The following SLC25A48 variants were observed in gnomAD, a reference collection of about 807,000 sequenced individuals.
SLC25A48 encodes the protein solute carrier family 25 member 48.
In SLC25A48, 29 loss-of-function variants were observed where a neutral mutation model predicts 32.2. That is an observed-to-expected ratio of 0.90 (90% CI 0.67 to 1.23). The LOEUF is 1.23. Ranked by LOEUF, SLC25A48 falls within the 50% of genes most tolerant of loss-of-function variation. SLC25A48 has a pLI of 0.00. For synonymous variants in SLC25A48, 164 were observed against 172.3 expected (o/e 0.95, Z 0.38); for missense variants, 399 against 422.7 (o/e 0.94, Z 0.49).
chr5:135,731,170 G>T (rs964486317), intron 3 of SLC25A48, among the ~76,000 whole-genome samples: 30 of 152,082 alleles, frequency 2.0e-4, no homozygotes, highest in African/African-American at 7.0e-4. Context: ...CAGTCAAAGG[G>T]GGTTGTTCTC....
At chr5:135,831,058 C>A (rs527912686), upstream of SLC25A48, among the ~76,000 whole-genome samples, 4 of 152,204 alleles carry the variant, frequency 2.6e-5, no homozygotes, top group South Asian at 8.3e-4. Flanking sequence ...AGGTAGGAGT[C>A]GGCTATGAGG....
At chr5:135,592,053 T>C (rs976653266) in intron 1 of SLC25A48, among the ~76,000 whole-genome samples, 1 of 152,120 alleles carries the variant, frequency 6.6e-6, no homozygotes, top group Non-Finnish European at 1.5e-5. Context: ...GAGAACCAGC[T>C]CTGCTTGTGT....
At chr5:135,747,550 G>C (rs1171266674) in intron 3 of SLC25A48, among the ~76,000 whole-genome samples, 1 of 152,016 alleles carries the variant, frequency 6.6e-6, no homozygotes, top group East Asian at 1.9e-4. Context: ...TCATTTCTTC[G>C]GGGAGCCTTG....
At chr5:135,842,582 C>A in intron 2 of SLC25A48, 123 bp downstream of exon 2, 1 of 1,007,548 alleles carries the variant, frequency 9.9e-7, no homozygotes, top group Non-Finnish European at 1.5e-6. Context: ...CTCTCTGTTG[C>A]CAGTCCAGGG....
At chr5:135,748,989 G>T (rs1018627697) in intron 3 of SLC25A48, among the ~76,000 whole-genome samples, 1 of 152,124 alleles carries the variant, frequency 6.6e-6, no homozygotes, top group African/African-American at 2.4e-5. Context: ...ACAGTGCTGA[G>T]ATTACAGATG....
chr5:135,883,235 C>T (rs901108588), intron 7 of SLC25A48: 31 of 985,358 alleles, frequency 3.1e-5, no homozygotes, highest in African/African-American at 1.7e-4. Context: ...GCTGGGGCAG[C>T]GGAGCTTCTG....
chr5:135,871,573 C>G lies in SLC25A48; in HGVS notation c.534C>G (p.Tyr178Ter). ...GGAATGAGGGCCTGGCGGGGCTATA[C>G]CGGGGGGCCAGTGCCATGCTGCTGA... ...IVRNEGLAGLYRGASAMLLRD... is the reference protein window; with the variant it reads ...IVRNEGLAGL The change falls in exon 5 of 8, where the codon TAC becomes TAG. Residue 178 changes from tyrosine to a stop codon, truncating the protein, a stop_gained. Transcript: ENST00000681962. LOFTEE classifies it high-confidence loss of function. The G allele has an allele frequency of 1.2e-6, 2 of 1,614,196 alleles. No individual in the cohort carries two copies. The highest frequency in any genetic ancestry group is 1.7e-6 in the Non-Finnish European group (2 of 1,180,034).
chr5:135,614,789 C>A (rs1482414594), intron 1 of SLC25A48, among the ~76,000 whole-genome samples: 1 of 152,096 alleles, frequency 6.6e-6, no homozygotes, highest in South Asian at 2.1e-4. Context: ...AATCTCATGT[C>A]AAATTGTAAT....
At chr5:135,696,805 G>A (rs144195806) in intron 3 of SLC25A48, among the ~76,000 whole-genome samples, 1 of 152,294 alleles carries the variant, frequency 6.6e-6, no homozygotes, top group Non-Finnish European at 1.5e-5. Flanking sequence ...CTCCAGCCAA[G>A]CCTTTCCACC....
chr5:135,591,026 A>G lies in SLC25A48; in HGVS notation c.-849+11429A>G, dbSNP rs2126876322. Among the ~76,000 whole-genome samples, 3 of 152,344 alleles carry G rather than the reference A, an allele frequency of 2.0e-5. No homozygotes were observed. In the East Asian group the frequency reaches 5.8e-4, roughly 29 times the overall value. On this transcript the variant is annotated intron_variant, in intron 1 of 10. Transcript: ENST00000646290. ...CCACCACAGCATCATCCTGCCTCTC[A>G]GTGCTGCCTGGCACTCAGGTAGGAG...
intron 3 of SLC25A48, among the ~76,000 whole-genome samples, chr5:135,646,659 T>TTATATATATATATATAAATATATGTATA: frequency 8.0e-6 from 1 of 125,400 alleles, no homozygotes; most frequent in Non-Finnish European, 1.7e-5. Flanking sequence ...TAATTTCCCA[T>TTATATATATATATATAAATATATGTATA]TATATATATA....
chr5:135,767,624 C>T (rs369589249), intron 3 of SLC25A48, among the ~76,000 whole-genome samples: 1 of 151,816 alleles, frequency 6.6e-6, no homozygotes, highest in South Asian at 2.1e-4. Context: ...AGGGGGTGTA[C>T]ACCCGCCAGT....
At chr5:135,682,959 T>C (rs1327800099) in intron 3 of SLC25A48, among the ~76,000 whole-genome samples, 2 of 152,192 alleles carry the variant, frequency 1.3e-5, no homozygotes, top group Non-Finnish European at 2.9e-5. Flanking sequence ...TGAGAACTCA[T>C]TTTATGGCTG....
rs115565872 is a variant in SLC25A48 at position 135,666,590 on chromosome 5, G to C, written c.-521+31634G>C. 8.7e-3 allele frequency among the ~76,000 whole-genome samples: 1,328 copies of C among 152,146 alleles called. 10 individuals are homozygous for C. The highest frequency in any genetic ancestry group is 0.027 in the Middle Eastern group (8 of 294). On this transcript the variant is annotated intron_variant, in intron 3 of 10. Coordinates refer to the SLC25A48 transcript ENST00000646290. ...CTGAAAACTAGGGCCCTCACTCTGG[G>C]ACATGAAGGCCCTAGGAAGATTTGG... is the stretch of plus-strand genomic sequence containing the variant.
intron 1 of SLC25A48, among the ~76,000 whole-genome samples, chr5:135,589,143 C>T (rs1351128087): frequency 6.6e-6 from 1 of 152,220 alleles, no homozygotes; most frequent in Non-Finnish European, 1.5e-5. Context: ...CACACTGTTT[C>T]ATAAACGCTG....
At chr5:135,724,884 G>A (rs527334221) in intron 3 of SLC25A48, among the ~76,000 whole-genome samples, 1 of 152,374 alleles carries the variant, frequency 6.6e-6, no homozygotes, top group South Asian at 2.1e-4. Flanking sequence ...TGCCCAGTGT[G>A]GTGAACAGAG....
intron 4 of SLC25A48, among the ~76,000 whole-genome samples, chr5:135,853,524 A>G (rs892993077): frequency 1.3e-5 from 2 of 152,262 alleles, no homozygotes; most frequent in Non-Finnish European, 2.9e-5. Context: ...TTTCATCTGA[A>G]GAAAAACTGT....
At chr5:135,683,034 C>G (rs1753933197) in intron 3 of SLC25A48, among the ~76,000 whole-genome samples, 1 of 152,122 alleles carries the variant, frequency 6.6e-6, no homozygotes, top group Non-Finnish European at 1.5e-5. Flanking sequence ...GATCTGAATC[C>G]CACTGGAGAA....
At chr5:135,768,774 G>A (rs1430497706) in intron 3 of SLC25A48, among the ~76,000 whole-genome samples, 1 of 151,682 alleles carries the variant, frequency 6.6e-6, no homozygotes, top group Non-Finnish European at 1.5e-5. Flanking sequence ...CGCTGGGCTT[G>A]TACAACCCCT....
Sources: gnomAD v4.1 joint callset for allele counts (sites outside exome capture counted in the v4.1 genomes callset) on GRCh38, gnomAD v4.1.1 for gene constraint, MANE v1.5 for transcripts, NCBI Gene and HGNC (gene_info 2026-07-23, HGNC 2026-07-21) for gene names.